IL1RAPL2: variants seen among roughly 807,000 people sequenced by gnomAD.
IL1RAPL2 encodes X-linked interleukin-1 receptor accessory protein-like 2.
In IL1RAPL2, 3 loss-of-function variants were observed where a neutral mutation model predicts 44.1. The ratio of observed to expected loss-of-function variants is 0.07; its 90% CI spans 0.03 to 0.18. The LOEUF (loss-of-function observed/expected upper bound fraction) is 0.18, where lower values mean the gene tolerates loss of function less well. Ranked by LOEUF, IL1RAPL2 falls within the 10% of genes least tolerant of loss-of-function variation. The pLI, the probability that IL1RAPL2 is intolerant of heterozygous loss-of-function variation, is 1.00. For synonymous variants in IL1RAPL2, 181 were observed against 178.8 expected, an observed-to-expected ratio of 1.01 and a Z score of -0.10; for missense variants, 391 against 496.4, an observed-to-expected ratio of 0.79 and a Z score of 2.02.
At position 105,327,753 on chromosome X, in the gene IL1RAPL2, AAAG is replaced by A. The variant is rs747150136; in HGVS notation, c.697+60216_697+60218del. Among the ~76,000 whole-genome samples, 383 of 111,579 alleles carry A rather than the reference AAAG, an allele frequency of 3.4e-3. 2 individuals carry two copies. Among genetic ancestry groups the A allele is most frequent in the African/African-American group, 0.012 (364 of 30,685 alleles). ...TGAATGTCATAGAAAGGGTTAGTTTAAAGAAGTAGATGAGAAACATTACCTTGG... is the reference window on the plus strand; with the variant it reads ...TGAATGTCATAGAAAGGGTTAGTTTAAAGTAGATGAGAAACATTACCTTGG... On this transcript the variant is annotated intron_variant, in intron 5 of 10. Transcript: ENST00000372582.
intron 2 of IL1RAPL2, among the ~76,000 whole-genome samples, chrX:104,804,871 A>G (rs1020583240): frequency 8.9e-6 from 1 of 112,501 alleles, no homozygotes; most frequent in African/African-American, 3.2e-5. Flanking sequence ...GAGTGACAAG[A>G]TCTGAAAAAT....
chrX:104,915,144 G>C (rs1394592303), intron 2 of IL1RAPL2, among the ~76,000 whole-genome samples: 4 of 111,669 alleles, frequency 3.6e-5, no homozygotes, highest in Non-Finnish European at 7.5e-5. Context: ...TCGCCACACT[G>C]ACTTCCACAA....
Position 104,714,739 on chromosome X carries a change from G to A in IL1RAPL2, c.82+55744G>A, listed in dbSNP as rs185043383. ...CTTTGCTGCATCTACTGAGATAATC[G>A]TGTGGTTTTTGTCTTTAGCTCTCTT... is the stretch of plus-strand genomic sequence containing the variant. On this transcript the variant is annotated intron_variant, in intron 2 of 10. Transcript: ENST00000372582. 8.1e-5 allele frequency among the ~76,000 whole-genome samples: 9 copies of A among 111,192 alleles called. No homozygotes were observed. The South Asian group carries it at 1.1e-3, about 14-fold the overall frequency.
chrX:105,273,294 T>C (rs1050233115), intron 5 of IL1RAPL2, among the ~76,000 whole-genome samples: 1 of 111,060 alleles, frequency 9.0e-6, no homozygotes, highest in Non-Finnish European at 1.9e-5. Context: ...AGTTTGTCTT[T>C]GACCTTTTCC....
At chrX:104,720,902 C>T (rs1931662976) in intron 2 of IL1RAPL2, among the ~76,000 whole-genome samples, 2 of 111,507 alleles carry the variant, frequency 1.8e-5, no homozygotes, top group African/African-American at 6.5e-5. Context: ...CAAAAGAAGA[C>T]ATTCATGTGG....
intron 2 of IL1RAPL2, among the ~76,000 whole-genome samples, chrX:104,674,129 C>T (rs368867754): frequency 1.8e-5 from 2 of 111,724 alleles, no homozygotes; most frequent in African/African-American, 3.3e-5. Context: ...GAACTTCCAA[C>T]ACTATGTTGA....
At chrX:104,904,807 G>T (rs1165349475) in intron 2 of IL1RAPL2, among the ~76,000 whole-genome samples, 2 of 107,405 alleles carry the variant, frequency 1.9e-5, no homozygotes, top group Non-Finnish European at 3.8e-5. Flanking sequence ...TAGTCCTTTG[G>T]GTATATACCC....
At chrX:104,700,724 T>C (rs1291719629) in intron 2 of IL1RAPL2, among the ~76,000 whole-genome samples, 1 of 111,309 alleles carries the variant, frequency 9.0e-6, no homozygotes, top group Non-Finnish European at 1.9e-5. Flanking sequence ...TATAAAAGAT[T>C]ATAAAAGATG....
intron 2 of IL1RAPL2, among the ~76,000 whole-genome samples, chrX:104,984,940 A>G (rs902379889): frequency 1.5e-4 from 17 of 112,070 alleles, no homozygotes; most frequent in African/African-American, 5.2e-4. Context: ...AAAACTTATC[A>G]TATTAATTAA....
At chrX:104,625,227 T>A (rs1929478524) in intron 1 of IL1RAPL2, among the ~76,000 whole-genome samples, 1 of 111,405 alleles carries the variant, frequency 9.0e-6, no homozygotes, top group Non-Finnish European at 1.9e-5. Context: ...CACATACCTG[T>A]GCACCAAATT....
chrX:105,481,146 G>A (rs112067128), intron 5 of IL1RAPL2, among the ~76,000 whole-genome samples: 2,037 of 111,855 alleles, frequency 0.018, 55 homozygotes, highest in African/African-American at 0.062. Context: ...AGTCAAAGAG[G>A]CTAAAACCAC....
At chrX:104,983,539 AATATTATATTATAGACATATTAT>A (rs1426806862) in intron 2 of IL1RAPL2, among the ~76,000 whole-genome samples, 4 of 98,897 alleles carry the variant, frequency 4.0e-5, no homozygotes, top group African/African-American at 1.5e-4. Context: ...AATATTATAT[AATATTATATTATAGACATATTAT>A]ATATTATATT....
At chrX:105,024,304 T>C (rs1354932143) in intron 2 of IL1RAPL2, among the ~76,000 whole-genome samples, 9 of 111,559 alleles carry the variant, frequency 8.1e-5, no homozygotes, top group Non-Finnish European at 1.7e-4. Context: ...CAATGGGTGA[T>C]ATAGGGAGAC....
At chrX:105,328,635 G>C (rs1178847681) in intron 5 of IL1RAPL2, among the ~76,000 whole-genome samples, 3 of 111,479 alleles carry the variant, frequency 2.7e-5, no homozygotes, top group Non-Finnish European at 5.7e-5. Context: ...TCACCTGAGG[G>C]GTTAGACACT....
At chrX:105,303,028 A>G (rs908350160) in intron 5 of IL1RAPL2, among the ~76,000 whole-genome samples, 1 of 111,220 alleles carries the variant, frequency 9.0e-6, no homozygotes, top group Non-Finnish European at 1.9e-5. Flanking sequence ...GCATCACTGA[A>G]TTCCAATGCA....
intron 5 of IL1RAPL2, among the ~76,000 whole-genome samples, chrX:105,367,432 CTT>C (rs902670131): frequency 9.0e-6 from 1 of 111,176 alleles, no homozygotes; most frequent in African/African-American, 3.3e-5. Context: ...TTTTTCCTCT[CTT>C]GATATCTTCC....
At chrX:105,195,971 T>C (rs1218085163) in intron 3 of IL1RAPL2, among the ~76,000 whole-genome samples, 2 of 112,064 alleles carry the variant, frequency 1.8e-5, no homozygotes, top group Non-Finnish European at 3.8e-5. Context: ...CTGTGTGTGC[T>C]TATTTAATTT....
rs1491535791 is a variant in IL1RAPL2 at position 104,585,264 on chromosome X, TAA to T, written c.-20+18214_-20+18215del. Among the ~76,000 whole-genome samples, 3 of 24,652 alleles carry T rather than the reference TAA, an allele frequency of 1.2e-4. 1 individual carries two copies. The highest frequency in any genetic ancestry group is 1.8e-4 in the Non-Finnish European group (3 of 16,655). 21.4% of individuals were successfully genotyped at this position (24,652 alleles called of 115,157 possible). The stretch of plus-strand genomic sequence containing the variant: ...TAATATATGATATATAATATATATA[TAA>T]TATATTATATATATTATATAATATA... On this transcript the variant is annotated intron_variant, in intron 1 of 10. Coordinates refer to ENST00000372582, the MANE Select transcript of IL1RAPL2 (RefSeq NM_017416.2).
chrX:105,144,149 G>A (rs1365332458), intron 2 of IL1RAPL2, among the ~76,000 whole-genome samples: 1 of 101,556 alleles, frequency 9.8e-6, no homozygotes, highest in Non-Finnish European at 2.0e-5. Context: ...GTGTAGGGGG[G>A]TAAATTCATT....
Sources: allele counts gnomAD v4.1 joint callset (sites outside exome capture counted in the v4.1 genomes callset), GRCh38; gene constraint gnomAD v4.1.1; transcripts MANE v1.5; gene names NCBI Gene and HGNC (gene_info 2026-07-23, HGNC 2026-07-21).